UNC5D: variants seen among roughly 807,000 people sequenced by gnomAD.
UNC5D encodes unc-5 netrin receptor D, also known as netrin receptor UNC5D.
A neutral mutation model predicts 105.4 loss-of-function variants in UNC5D; 39 were observed. That is an observed-to-expected ratio of 0.37 (90% CI 0.29 to 0.48). The LOEUF (loss-of-function observed/expected upper bound fraction) is 0.48. Among genes scored for constraint, UNC5D ranks in the 20% least tolerant of loss-of-function variants. The pLI, the probability that UNC5D is intolerant of heterozygous loss-of-function variation, is 0.98. For missense variants in UNC5D, 991 were observed against 1,202.4 expected, an observed-to-expected ratio of 0.82 and a Z score of 2.60; for synonymous variants, 452 against 450.4, an observed-to-expected ratio of 1.00 and a Z score of -0.04.
chr8:35,630,475 A>G (rs988611669), intron 4 of UNC5D, among the ~76,000 whole-genome samples: 5 of 152,184 alleles, frequency 3.3e-5, no homozygotes, highest in Admixed American at 6.5e-5. Context: ...ATGCAAAGCT[A>G]AGGCTGGTTG....
chr8:35,580,690 G>A (rs1818427420), intron 3 of UNC5D, among the ~76,000 whole-genome samples: 2 of 152,122 alleles, frequency 1.3e-5, no homozygotes. Context: ...GACGTGAAGG[G>A]CTCCATCGAC....
intron 4 of UNC5D, among the ~76,000 whole-genome samples, chr8:35,596,766 A>G (rs1819514736): frequency 6.6e-6 from 1 of 152,160 alleles, no homozygotes; most frequent in African/African-American, 2.4e-5. Context: ...TATTCTTTTG[A>G]GTTTCTGATT....
chr8:35,572,338 T>C (rs942010548), intron 3 of UNC5D, among the ~76,000 whole-genome samples: 9 of 144,052 alleles, frequency 6.2e-5, no homozygotes, highest in Non-Finnish European at 6.0e-5. Context: ...AAAAACTGCA[T>C]GGGCTTAACC....
At chr8:35,641,057 C>T (rs546985940) in intron 4 of UNC5D, among the ~76,000 whole-genome samples, 10 of 151,690 alleles carry the variant, frequency 6.6e-5, no homozygotes, top group Non-Finnish European at 1.5e-4. Flanking sequence ...AGATTTGGGC[C>T]CAATCAAAGC....
intron 1 of UNC5D, among the ~76,000 whole-genome samples, chr8:35,413,503 G>A (rs999454997): frequency 4.0e-5 from 6 of 149,916 alleles, no homozygotes; most frequent in African/African-American, 1.5e-4. Context: ...TGTAAAAATA[G>A]CAGCTGTTGG....
chr8:35,344,262 C>T (rs2128904764), intron 1 of UNC5D, among the ~76,000 whole-genome samples: 1 of 152,178 alleles, frequency 6.6e-6, no homozygotes, highest in South Asian at 2.1e-4. Context: ...ACACATCAGA[C>T]CCGGCTGACC....
At chr8:35,240,192 C>T (rs977796137) in intron 1 of UNC5D, among the ~76,000 whole-genome samples, 4 of 152,140 alleles carry the variant, frequency 2.6e-5, no homozygotes, top group Admixed American at 2.0e-4. Flanking sequence ...TCAGGTGATC[C>T]TTCTGCCTTG....
At chr8:35,548,245 T>A (rs1477537088) in intron 1 of UNC5D, among the ~76,000 whole-genome samples, 1 of 152,220 alleles carries the variant, frequency 6.6e-6, no homozygotes, top group Non-Finnish European at 1.5e-5. Flanking sequence ...AGTGAGATTG[T>A]TCTTCCAGTG....
At chr8:35,720,204 C>T (rs567496152) in intron 8 of UNC5D, among the ~76,000 whole-genome samples, 1 of 152,292 alleles carries the variant, frequency 6.6e-6, no homozygotes, top group African/African-American at 2.4e-5. Flanking sequence ...ATTTCCAGCC[C>T]AGGCGTCTTG....
chr8:35,590,894 T>C (rs1455418793), intron 3 of UNC5D, among the ~76,000 whole-genome samples: 1 of 152,154 alleles, frequency 6.6e-6, no homozygotes, highest in Non-Finnish European at 1.5e-5. Context: ...GATCCAGCAA[T>C]TTTAAGTTCA....
chr8:35,695,472 C>T (rs1416751251), intron 7 of UNC5D, among the ~76,000 whole-genome samples: 1 of 152,056 alleles, frequency 6.6e-6, no homozygotes, highest in Non-Finnish European at 1.5e-5. Context: ...CTATAGAGCA[C>T]CATGACTGTG....
intron 1 of UNC5D, among the ~76,000 whole-genome samples, chr8:35,486,843 C>A (rs1054970640): frequency 3.9e-5 from 6 of 152,138 alleles, no homozygotes; most frequent in African/African-American, 1.4e-4. Flanking sequence ...GAAGCCTTTT[C>A]TTCTAATGCA....
intron 1 of UNC5D, among the ~76,000 whole-genome samples, chr8:35,540,418 C>G (rs944620680): frequency 1.3e-5 from 2 of 150,142 alleles, no homozygotes; most frequent in Non-Finnish European, 3.0e-5. Flanking sequence ...TTATGAAGCC[C>G]TTTATATTCT....
chr8:35,493,372 T>C (rs1042172851), intron 1 of UNC5D, among the ~76,000 whole-genome samples: 1 of 151,814 alleles, frequency 6.6e-6, no homozygotes, highest in African/African-American at 2.4e-5. Flanking sequence ...TTCCTAGTCT[T>C]GAAAATAGGA....
chr8:35,483,872 T>G (rs1203248438), intron 1 of UNC5D, among the ~76,000 whole-genome samples: 1 of 152,176 alleles, frequency 6.6e-6, no homozygotes, highest in Admixed American at 6.5e-5. Context: ...CTTTAGGCAG[T>G]CACTTAGGCT....
intron 1 of UNC5D, among the ~76,000 whole-genome samples, chr8:35,344,388 A>G (rs947781002): frequency 3.3e-5 from 5 of 151,942 alleles, no homozygotes; most frequent in African/African-American, 7.3e-5. Flanking sequence ...GCCCTCCTCT[A>G]TATCTTTATT....
At chr8:35,445,756 C>A (rs1335340029) in intron 1 of UNC5D, among the ~76,000 whole-genome samples, 1 of 152,010 alleles carries the variant, frequency 6.6e-6, no homozygotes, top group Non-Finnish European at 1.5e-5. Context: ...CATCAGCAAA[C>A]TATAGGTGGT....
chr8:35,508,769 G>A (rs565836555), intron 1 of UNC5D, among the ~76,000 whole-genome samples: 1 of 152,290 alleles, frequency 6.6e-6, no homozygotes, highest in East Asian at 1.9e-4. Flanking sequence ...TACACACACT[G>A]GTGATAAGCT....
At chr8:35,626,322 C>G (rs1821698130) in intron 4 of UNC5D, among the ~76,000 whole-genome samples, 1 of 151,736 alleles carries the variant, frequency 6.6e-6, no homozygotes, top group Non-Finnish European at 1.5e-5. Flanking sequence ...CCTGGAAACC[C>G]ATAAAAATAT....
Sources: allele counts gnomAD v4.1 joint callset (sites outside exome capture counted in the v4.1 genomes callset), GRCh38; gene constraint gnomAD v4.1.1; transcripts MANE v1.5; gene names NCBI Gene and HGNC (gene_info 2026-07-23, HGNC 2026-07-21).